The following DCAF1 variants were observed in gnomAD, a reference collection of about 807,000 sequenced individuals.
DCAF1 encodes DDB1 and CUL4 associated factor 1.
Under a neutral mutation model 128.0 loss-of-function variants are expected in DCAF1, and 15 were observed. The observed-to-expected ratio is 0.12, with a 90% CI of 0.08 to 0.18. The LOEUF (loss-of-function observed/expected upper bound fraction) is 0.18. Ranked by LOEUF, DCAF1 falls within the 10% of genes least tolerant of loss-of-function variation. DCAF1 has a pLI of 1.00. For missense variants in DCAF1, 988 were observed against 1,649.5 expected, an observed-to-expected ratio of 0.60 and a Z score of 6.95; for synonymous variants, 610 against 603.0, an observed-to-expected ratio of 1.01 and a Z score of -0.17.
At chr3:51,405,700 A>G (rs985479182) in intron 23 of DCAF1, among the ~76,000 whole-genome samples, 7 of 152,154 alleles carry the variant, frequency 4.6e-5, no homozygotes, top group Admixed American at 6.5e-5. Context: ...GGCTCACAAG[A>G]CTCATCCAAA....
chr3:51,494,702 T>A (rs1317630288), intron 2 of DCAF1, among the ~76,000 whole-genome samples: 2 of 151,966 alleles, frequency 1.3e-5, no homozygotes, highest in Non-Finnish European at 2.9e-5. Flanking sequence ...AACACTAAAA[T>A]TTTATATTTT....
intron 6 of DCAF1, 23 bp downstream of exon 6, chr3:51,463,091 T>A (rs781874356): frequency 1.5e-5 from 23 of 1,484,948 alleles, no homozygotes; most frequent in Non-Finnish European, 1.9e-5. Flanking sequence ...AATAAAATTA[T>A]GACTTTACTT....
intron 24 of DCAF1, among the ~76,000 whole-genome samples, chr3:51,399,187 C>CCCTTGG (rs1320838917): frequency 2.6e-5 from 4 of 152,234 alleles, no homozygotes; most frequent in Admixed American, 2.6e-4. Flanking sequence ...GCCTCCATGG[C>CCCTTGG]CCTTGGCCTC....
chr3:51,491,336 G>A (rs1401342272), intron 2 of DCAF1, among the ~76,000 whole-genome samples: 2 of 145,004 alleles, frequency 1.4e-5, no homozygotes, highest in East Asian at 2.0e-4. Flanking sequence ...AACAGAGCGA[G>A]ACTATGTCTC....
chr3:51,417,564 T>C (rs1698993275), intron 17 of DCAF1, among the ~76,000 whole-genome samples: 2 of 151,060 alleles, frequency 1.3e-5, no homozygotes, highest in Admixed American at 6.6e-5. Context: ...ACTAAAAATA[T>C]AAAATATTAG....
At chr3:51,437,310 C>T (rs1553637169) in intron 9 of DCAF1, 2 of 471,738 alleles carry the variant, frequency 4.2e-6, no homozygotes, top group African/African-American at 4.1e-5. Flanking sequence ...AGCAAGAAGA[C>T]CCCAAACTCA....
intron 6 of DCAF1, among the ~76,000 whole-genome samples, chr3:51,445,483 A>G (rs1411936725): frequency 6.6e-6 from 1 of 152,198 alleles, no homozygotes; most frequent in East Asian, 1.9e-4. Context: ...CAGGTACTAT[A>G]TTTGCAGATG....
In DCAF1 at chr3:51,486,355, C is replaced by G. The variant is rs1230980737; in HGVS notation, c.-8-2519G>C. ...TTACAGTATGTGTTGCCATGCCCAG[C>G]TTATTTTTATTTTTATTATTTGTTC... On this transcript the variant is annotated intron_variant, in intron 2 of 24. Coordinates refer to ENST00000684031, the MANE Select transcript of DCAF1 (RefSeq NM_001387579.1). 2.0e-5 allele frequency among the ~76,000 whole-genome samples: 3 copies of G among 151,656 alleles called. 1 individual carries two copies. In the East Asian group the frequency reaches 5.8e-4, roughly 29 times the overall value.
intron 2 of DCAF1, among the ~76,000 whole-genome samples, chr3:51,486,283 C>T (rs1424344410): frequency 1.1e-4 from 16 of 151,456 alleles, no homozygotes; most frequent in African/African-American, 3.6e-4. Flanking sequence ...GCCTCAACCA[C>T]CTGGGCTCAA....
At chr3:51,484,848 A>G (rs1553654613) in intron 2 of DCAF1, among the ~76,000 whole-genome samples, 1 of 149,894 alleles carries the variant, frequency 6.7e-6, no homozygotes, top group African/African-American at 2.5e-5. Context: ...ATGCCTGGCT[A>G]ATTTTTGTAC....
rs568535894 is a variant in DCAF1 at position 51,498,497 on chromosome 3, G to A, written c.-56+1376C>T. The stretch of plus-strand genomic sequence containing the variant: ...TCATGTCTGTAATTCCAACACTTCG[G>A]GAGGCTGACCAGGGAGGATCACTTG... On this transcript the variant is annotated intron_variant, in intron 1 of 24. Coordinates refer to ENST00000684031, the MANE Select transcript of DCAF1 (RefSeq NM_001387579.1). Among the ~76,000 whole-genome samples, 7 of 152,058 alleles carry A rather than the reference G, an allele frequency of 4.6e-5. No individual in the cohort carries two copies. In the South Asian group the frequency reaches 1.2e-3, roughly 27 times the overall value.
intron 6 of DCAF1, 90 bp downstream of exon 6, chr3:51,463,024 C>A (rs2108062102): frequency 1.3e-6 from 1 of 791,870 alleles, no homozygotes; most frequent in Admixed American, 3.7e-5. Flanking sequence ...ATAACAAAAA[C>A]TGTAACAATG....
At chr3:51,427,717 C>G (rs1700023641) in intron 12 of DCAF1, among the ~76,000 whole-genome samples, 176 bp from the exon 13 acceptor site, 1 of 152,090 alleles carries the variant, frequency 6.6e-6, no homozygotes, top group African/African-American at 2.4e-5. Flanking sequence ...ACTGTAGCCT[C>G]AATCTCCCAG....
At chr3:51,497,264 C>G (rs1455111927) in intron 1 of DCAF1, among the ~76,000 whole-genome samples, 1 of 151,964 alleles carries the variant, frequency 6.6e-6, no homozygotes, top group Non-Finnish European at 1.5e-5. Context: ...CACTGCACTC[C>G]AGGCTAGGTG....
intron 10 of DCAF1, 59 bp from the exon 11 acceptor site, chr3:51,430,271 C>T (rs1700252086): frequency 2.7e-6 from 2 of 729,404 alleles, no homozygotes; most frequent in Non-Finnish European, 5.1e-6. Context: ...AGCCCTTGAA[C>T]AGGATGGAAA....
At chr3:51,470,851 G>C (rs1251603787) in intron 4 of DCAF1, 78 bp downstream of exon 4, 3 of 1,069,350 alleles carry the variant, frequency 2.8e-6, no homozygotes, top group Admixed American at 5.9e-5. Flanking sequence ...TTTTAGAAAA[G>C]AAAAAAAAGA....
intron 6 of DCAF1, among the ~76,000 whole-genome samples, chr3:51,456,695 G>A (rs545390239): frequency 5.3e-5 from 8 of 152,278 alleles, no homozygotes; most frequent in Admixed American, 1.3e-4. Context: ...CACACGGCTG[G>A]GTACTCCTCT....
At chr3:51,460,757 C>T (rs1703461969) in intron 6 of DCAF1, among the ~76,000 whole-genome samples, 1 of 152,088 alleles carries the variant, frequency 6.6e-6, no homozygotes, top group Non-Finnish European at 1.5e-5. Flanking sequence ...AATAATGCCG[C>T]ATATCTACAA....
At chr3:51,465,929 T>C (rs1173406898) in intron 5 of DCAF1, among the ~76,000 whole-genome samples, 1 of 152,154 alleles carries the variant, frequency 6.6e-6, no homozygotes, top group Non-Finnish European at 1.5e-5. Flanking sequence ...CTGGGTGCAG[T>C]GGTTCACGTC....
Sources: allele counts gnomAD v4.1 joint callset (sites outside exome capture counted in the v4.1 genomes callset), GRCh38; gene constraint gnomAD v4.1.1; transcripts MANE v1.5; gene names NCBI Gene and HGNC (gene_info 2026-07-23, HGNC 2026-07-21).